Variants in GSG1L2 observed in about 807,000 individuals in gnomAD.
GSG1L2 encodes the protein GSG1 like 2, also known as germ cell-specific gene 1-like protein 2.
In GSG1L2, 15 loss-of-function variants were observed where a neutral mutation model predicts 9.0. The ratio of observed to expected loss-of-function variants is 1.67; its 90% CI spans 1.12 to 2.57. The LOEUF (loss-of-function observed/expected upper bound fraction) is 2.57, where lower values mean the gene tolerates loss of function less well. GSG1L2 is among the 30% of genes most tolerant of loss of function. The pLI is 0.00. For missense variants in GSG1L2, 286 were observed against 150.3 expected (o/e 1.90, Z -4.72); for synonymous variants, 127 against 57.9 (o/e 2.19, Z -5.41).
intron 1 of GSG1L2, among the ~76,000 whole-genome samples, chr17:9,819,017 G>A (rs2066578911): frequency 6.6e-6 from 1 of 152,172 alleles, no homozygotes; most frequent in African/African-American, 2.4e-5. Flanking sequence ...TCTGCACTGT[G>A]CTGACTCCCT....
chr17:9,812,243 A>G (rs1309253934), intron 1 of GSG1L2, among the ~76,000 whole-genome samples: 1 of 152,148 alleles, frequency 6.6e-6, no homozygotes, highest in Non-Finnish European at 1.5e-5. Context: ...GAGTTTAGGG[A>G]GCATCTGTAG....
intron 3 of GSG1L2, 109 bp downstream of exon 3, chr17:9,808,721 G>A (rs1051134625): frequency 4.2e-5 from 26 of 617,720 alleles, no homozygotes; most frequent in Non-Finnish European, 6.7e-5. Context: ...CTGCTTAAAT[G>A]GCCATTGATG....
intron 1 of GSG1L2, among the ~76,000 whole-genome samples, chr17:9,815,347 A>T (rs1434689210): frequency 1.3e-5 from 2 of 152,160 alleles, no homozygotes; most frequent in African/African-American, 2.4e-5. Context: ...GCAAGATTCC[A>T]TGGGTATGGG....
At chr17:9,802,703 T>C in intron 4 of GSG1L2, 59 bp from the exon 5 acceptor site, 1 of 677,908 alleles carries the variant, frequency 1.5e-6, no homozygotes, top group Non-Finnish European at 2.7e-6. Context: ...GGACTTCCTG[T>C]TTTCTCCAGA....
chr17:9,816,612 CTGTGTGT>C (rs1567711350), intron 1 of GSG1L2, among the ~76,000 whole-genome samples: 36 of 35,420 alleles, frequency 1.0e-3, no homozygotes, highest in Middle Eastern at 0.037. Flanking sequence ...CTGTGTGTGT[CTGTGTGT>C]CTGTTTTGCA....
rs138221087 is a variant in GSG1L2, at chr17:9,803,383, A to G, written c.624-739T>C. Among the ~76,000 whole-genome samples the G allele has an allele frequency of 8.6e-3, 1,315 of 152,268 alleles. 22 individuals are homozygous for G. Among genetic ancestry groups the G allele is most frequent in the South Asian group, 0.048 (230 of 4,828 alleles). ...CTCCCACAGTGCTGGGATCACAGAC[A>G]TGAGCCACCGCGCCCGACCAGCATC... On this transcript the variant is annotated intron_variant, in intron 4 of 4. Transcript: ENST00000399363.
chr17:9,809,206 G>C lies in GSG1L2; in HGVS notation c.359-224C>G, dbSNP rs574395134. The C allele has an allele frequency of 7.6e-6, 4 of 526,930 alleles. No homozygotes were observed. In the African/African-American group the frequency reaches 7.7e-5, roughly 10 times the overall value. 32.6% of individuals were successfully genotyped at this position (526,930 alleles called of 1,614,324 possible). On this transcript the variant is annotated intron_variant, in intron 2 of 4. Transcript: ENST00000399363. ...TTGCCCGTAGCTGAACGGGCGGTGG[G>C]GTGGGGGCGGGGAAACTAAGCAAAA...
chr17:9,802,545 T>A lies in GSG1L2; in HGVS notation c.723A>T (p.Ala241=), dbSNP rs910603469. ...ARLEFTEKQQ[A]QNGSRHSQHS... ...GTTGAGAGTGCCGACTGCCGTTCTG[T>A]GCCTGCTGCTTCTCGGTGAATTCCA... The change falls in exon 5 of 5, where the codon GCA becomes GCT. Residue 241 remains alanine, a synonymous_variant. Transcript: ENST00000399363. 1.7e-5 allele frequency: 12 copies of A among 702,376 alleles called. No individual in the cohort carries two copies. In the African/African-American group the frequency reaches 1.9e-4, roughly 11 times the overall value. 43.5% of individuals were successfully genotyped at this position (702,376 alleles called of 1,614,324 possible). A position where few individuals can be genotyped will look rare whatever the true frequency, so the allele number is the denominator to read the frequency against.
chr17:9,816,916 G>GTATC (rs1453231120), intron 1 of GSG1L2, among the ~76,000 whole-genome samples: 5 of 142,580 alleles, frequency 3.5e-5, no homozygotes, highest in African/African-American at 1.4e-4. Flanking sequence ...GTATCTGTGT[G>GTATC]TGTGTGTGTG....
chr17:9,820,048 C>T lies in GSG1L2; in HGVS notation c.310+1714G>A, dbSNP rs185996907. Among the ~76,000 whole-genome samples, 474 of 152,030 alleles carry T rather than the reference C, an allele frequency of 3.1e-3. 2 individuals are homozygous for T. Among genetic ancestry groups the T allele is most frequent in the African/African-American group, 0.011 (444 of 41,490 alleles). On this transcript the variant is annotated intron_variant, in intron 1 of 4. Coordinates refer to ENST00000399363, the MANE Select transcript of GSG1L2 (RefSeq NM_001310219.2). This position sits in a 1 kb window ranked among gnomAD's most constrained non-coding sequence, Gnocchi z 4.9. ...GAAGTTGCAGTGAGCTGAGATTGCG[C>T]CGTTGCAATCCAGCCTGGGCAACGA...
chr17:9,801,801 G>A lies in GSG1L2; in HGVS notation c.*585C>T, dbSNP rs1597937987. Among the ~76,000 whole-genome samples, 1 of 152,082 alleles carries A rather than the reference G, an allele frequency of 6.6e-6. No homozygotes were observed. Among genetic ancestry groups the A allele is most frequent in the African/African-American group, 2.4e-5 (1 of 41,412 alleles). ...GTGTTTTCATTTCTATCATTCGACT[G>A]TCCTTCCAAACTGATTTTACTATGA... On this transcript the variant is annotated 3_prime_UTR_variant, in exon 5 of 5. Transcript: ENST00000399363.
chr17:9,808,237 G>A (rs1333658270), intron 3 of GSG1L2, among the ~76,000 whole-genome samples: 1 of 152,022 alleles, frequency 6.6e-6, no homozygotes, highest in African/African-American at 2.4e-5. Context: ...CCCTGGAAAG[G>A]CCCACTTAGG....
chr17:9,811,655 C>T (rs572149919), intron 1 of GSG1L2, among the ~76,000 whole-genome samples: 13 of 152,288 alleles, frequency 8.5e-5, no homozygotes, highest in Admixed American at 2.0e-4. Context: ...CATAGACTGT[C>T]GAGTGGGAGG....
Position 9,807,495 on chromosome 17 carries a change from T to A in GSG1L2, c.618A>T (p.Ser206=). ...WKPQTWDYGW[S]YCLAWGSFAL... ...ACCATGACCAAGCAACTTACCAATA[T>A]GACCAGCCATAGTCCCAGGTCTGAG... is the stretch of plus-strand genomic sequence containing the variant. Residue 206 remains serine (S), a synonymous_variant, in exon 4 of 5, where the codon TCA becomes TCT. Transcript: ENST00000399363. 2 of 702,900 alleles carry A rather than the reference T, an allele frequency of 2.8e-6. No homozygotes were observed. Among genetic ancestry groups the A allele is most frequent in the Non-Finnish European group, 5.2e-6 (2 of 384,926 alleles). 43.5% of individuals were successfully genotyped at this position (702,900 alleles called of 1,614,324 possible).
At chr17:9,812,571 G>C (rs759344848) in intron 1 of GSG1L2, among the ~76,000 whole-genome samples, 55 of 151,082 alleles carry the variant, frequency 3.6e-4, no homozygotes, top group Admixed American at 8.6e-4. Flanking sequence ...AGTCTGAGAT[G>C]CCTGCATGGT....
chr17:9,813,865 T>G (rs1455152029), intron 1 of GSG1L2, among the ~76,000 whole-genome samples: 2 of 152,188 alleles, frequency 1.3e-5, no homozygotes, highest in Admixed American at 6.5e-5. Flanking sequence ...ACTTTCCTCA[T>G]CTGCAAAATG....
intron 4 of GSG1L2, among the ~76,000 whole-genome samples, chr17:9,806,089 C>T (rs2066515283): frequency 6.6e-6 from 1 of 152,154 alleles, no homozygotes; most frequent in African/African-American, 2.4e-5. Flanking sequence ...GCTAATGCTA[C>T]CATTTTCTGA....
chr17:9,802,599 C>A lies in GSG1L2; in HGVS notation c.669G>T (p.Ser223=), dbSNP rs756879301. Reference sequence around the variant, plus strand: ...GGGCTGCCGTGAACCTGCTCATGGCCGAGACCGACACAGCCAGGCAGAGGG... The same window carrying A: ...GGGCTGCCGTGAACCTGCTCATGGCAGAGACCGACACAGCCAGGCAGAGGG... The part of the protein sequence containing the change: ...SFALCLAVSV[S]AMSRFTAARL... Residue 223 remains serine, a synonymous_variant, in exon 5 of 5, where the codon TCG becomes TCT. Transcript: ENST00000399363. The A allele has an allele frequency of 1.4e-6, 1 of 702,760 alleles. No homozygotes were observed. Among genetic ancestry groups the A allele is most frequent in the Non-Finnish European group, 2.6e-6 (1 of 384,968 alleles). 43.5% of individuals were successfully genotyped at this position (702,760 alleles called of 1,614,324 possible). A position where few individuals can be genotyped will look rare whatever the true frequency, so the allele number is the denominator to read the frequency against.
At chr17:9,809,306 G>T in intron 2 of GSG1L2, 1 of 372,346 alleles carries the variant, frequency 2.7e-6, no homozygotes. Context: ...GTCTGGAGTT[G>T]GTTCCTGCCG....
Sources: gnomAD v4.1 joint callset for allele counts (sites outside exome capture counted in the v4.1 genomes callset) on GRCh38, gnomAD v4.1.1 for gene constraint, Gnocchi (gnomAD v3.1) non-coding constraint, MANE v1.5 for transcripts, NCBI Gene and HGNC (gene_info 2026-07-23, HGNC 2026-07-21) for gene names.